The following CFAP91 variants were observed in gnomAD, a reference collection of about 807,000 sequenced individuals.
The protein encoded by CFAP91 is cilia and flagella associated protein 91.
In CFAP91, 85 loss-of-function variants were observed where a neutral mutation model predicts 95.9. That is an observed-to-expected ratio of 0.89 (90% CI 0.74 to 1.06). The LOEUF (loss-of-function observed/expected upper bound fraction) is 1.06, where lower values mean the gene tolerates loss of function less well. Among genes scored for constraint, CFAP91 ranks in the 50% least tolerant of loss-of-function variants. The probability of loss-of-function intolerance (pLI) is 0.00; values close to 1 mark genes in which losing one functional copy is unlikely to be tolerated. For synonymous variants in CFAP91, 335 were observed against 327.5 expected, an observed-to-expected ratio of 1.02 and a Z score of -0.25; for missense variants, 962 against 943.4, an observed-to-expected ratio of 1.02 and a Z score of -0.26.
chr3:119,713,083 T>TTTTATTTATTTA (rs199743132), intron 5 of CFAP91: 1 of 139,680 alleles, frequency 7.2e-6, no homozygotes, highest in African/African-American at 2.6e-5. Flanking sequence ...TTTATTTTAT[T>TTTTATTTATTTA]TTTATTTATT....
chr3:119,708,816 G>A (rs1044114113), intron 4 of CFAP91, 142 bp downstream of exon 4: 5 of 556,602 alleles, frequency 9.0e-6, no homozygotes, highest in African/African-American at 7.7e-5. Flanking sequence ...TGATCTAATC[G>A]TTAAAACAGG....
At chr3:119,730,727 A>G (rs577294477) in intron 8 of CFAP91, among the ~76,000 whole-genome samples, 1 of 150,554 alleles carries the variant, frequency 6.6e-6, no homozygotes, top group South Asian at 2.1e-4. Flanking sequence ...CCCTTTCTTC[A>G]TTTTGCCCTT....
intron 5 of CFAP91, 191 bp from the exon 6 acceptor site, chr3:119,715,371 G>A: frequency 1.4e-6 from 1 of 702,010 alleles, no homozygotes; most frequent in Non-Finnish European, 2.6e-6. Context: ...GCAGAGGTGA[G>A]AATAACAAGG....
intron 8 of CFAP91, among the ~76,000 whole-genome samples, chr3:119,731,953 A>G (rs2053906773): frequency 1.3e-5 from 2 of 152,176 alleles, no homozygotes; most frequent in Non-Finnish European, 1.5e-5. Context: ...CTGAACATGT[A>G]TTTTCCAGTT....
In CFAP91 at chr3:119,744,118, G is replaced by T; in HGVS notation, c.1824G>T (p.Arg608=). The T allele has an allele frequency of 4.3e-6, 7 of 1,614,094 alleles. No homozygotes were observed. Among genetic ancestry groups the T allele is most frequent in the Non-Finnish European group, 5.9e-6 (7 of 1,180,006 alleles). The part of the protein sequence containing the change: ...AFVMLAERQR[R]VREAEESGRR... The stretch of plus-strand genomic sequence containing the variant: ...TCATGCTGGCTGAGCGCCAGCGGCG[G>T]GTACGAGAGGCTGAAGAGAGTGGTC... The change falls in exon 14 of 18, where the codon CGG becomes CGT. Residue 608 remains arginine, a synonymous_variant. Transcript: ENST00000273390.
intron 17 of CFAP91, among the ~76,000 whole-genome samples, chr3:119,762,408 A>G (rs2054552735): frequency 6.6e-6 from 1 of 152,050 alleles, no homozygotes; most frequent in South Asian, 2.1e-4. Context: ...CATCCATGCT[A>G]CTTAAAGCAA....
At chr3:119,763,097 T>G (rs2054567670) in intron 17 of CFAP91, among the ~76,000 whole-genome samples, 1 of 151,972 alleles carries the variant, frequency 6.6e-6, no homozygotes, top group African/African-American at 2.4e-5. Flanking sequence ...TCAAAATATG[T>G]GAGGAACTCA....
In CFAP91 at chr3:119,707,472, G is replaced by A; in HGVS notation, c.270G>A (p.Trp90Ter). 1 of 1,597,412 alleles carries A rather than the reference G, an allele frequency of 6.3e-7. No individual in the cohort carries two copies. Among genetic ancestry groups the A allele is most frequent in the African/African-American group, 1.3e-5 (1 of 74,770 alleles). ...ATTATCCAAGATATTCTCTATATTGGAGCAAGTCAGATCCTGTCCCACCAT... is the reference window on the plus strand; with the variant it reads ...ATTATCCAAGATATTCTCTATATTGAAGCAAGTCAGATCCTGTCCCACCAT... The part of the protein sequence containing the change: ...LIHYPRYSLY[W>*]SKSDPVPPFI... Residue 90 changes from tryptophan (W) to a stop codon, truncating the protein, a stop_gained, in exon 3 of 18, where the codon TGG becomes TGA. Coordinates refer to ENST00000273390, the MANE Select transcript of CFAP91 (RefSeq NM_033364.4). LOFTEE classifies it high-confidence loss of function.
intron 11 of CFAP91, among the ~76,000 whole-genome samples, chr3:119,738,238 AGG>A (rs1373760657): frequency 1.3e-5 from 2 of 148,508 alleles, no homozygotes; most frequent in Admixed American, 1.4e-4. Context: ...GCTCCTGCAG[AGG>A]GACCAGAAAG....
Position 119,715,997 on chromosome 3 carries a change from GA to G in CFAP91, c.682+255del, listed in dbSNP as rs2053567476. On this transcript the variant is annotated intron_variant, in intron 6 of 17. Transcript: ENST00000273390. ...AGCTTAATATTGCAGTTGCTTTGCTGACTACTCACCTATGTCCTCTCATTTC... is the reference window on the plus strand; with the variant it reads ...AGCTTAATATTGCAGTTGCTTTGCTGCTACTCACCTATGTCCTCTCATTTC... 5.1e-6 allele frequency: 3 copies of G among 591,620 alleles called. No individual in the cohort carries two copies. The African/African-American group carries it at 5.6e-5, about 11-fold the overall frequency. 36.6% of individuals were successfully genotyped at this position (591,620 alleles called of 1,614,324 possible). A position where few individuals can be genotyped will look rare whatever the true frequency, so the allele number is the denominator to read the frequency against.
chr3:119,706,162 T>G (rs1457425479), intron 1 of CFAP91: 6 of 152,270 alleles, frequency 3.9e-5, no homozygotes, highest in Admixed American at 3.9e-4. Flanking sequence ...TGGTACAGTA[T>G]AGTCAATCAT....
intron 7 of CFAP91, among the ~76,000 whole-genome samples, chr3:119,729,366 G>A (rs2053849481): frequency 2.0e-5 from 3 of 152,088 alleles, no homozygotes; most frequent in African/African-American, 7.2e-5. Flanking sequence ...TCTAAGCTGG[G>A]CTGGACATGG....
rs768020568 is a variant in CFAP91, at chr3:119,709,857, T to G, written c.462T>G (p.Phe154Leu). The change falls in exon 5 of 18, where the codon TTT becomes TTG. Residue 154 changes from phenylalanine to leucine, a missense_variant. By Grantham distance (22) the Phe-to-Leu change is conservative. Coordinates refer to ENST00000273390, the MANE Select transcript of CFAP91 (RefSeq NM_033364.4). ...KYFERPFLPFFQQMPFNVVYA... is the reference protein window; with the variant it reads ...KYFERPFLPFLQQMPFNVVYA... ...CTCCCAGGCCTTTTCTCCCATTTTTTCAGCAGATGCCATTCAATGTTGTTT... is the reference window on the plus strand; with the variant it reads ...CTCCCAGGCCTTTTCTCCCATTTTTGCAGCAGATGCCATTCAATGTTGTTT... 1.4e-5 allele frequency: 23 copies of G among 1,613,172 alleles called. No individual in the cohort carries two copies. Among genetic ancestry groups the G allele is most frequent in the Non-Finnish European group, 2.0e-5 (23 of 1,179,132 alleles).
chr3:119,757,471 G>A (rs954918808), intron 17 of CFAP91, among the ~76,000 whole-genome samples: 3 of 151,882 alleles, frequency 2.0e-5, no homozygotes, highest in Non-Finnish European at 4.4e-5. Context: ...TGGTGAAGCC[G>A]TGTCTCTACC....
At chr3:119,742,230 G>T (rs2054134625) in intron 13 of CFAP91, among the ~76,000 whole-genome samples, 1 of 152,120 alleles carries the variant, frequency 6.6e-6, no homozygotes, top group Admixed American at 6.5e-5. Flanking sequence ...CTTAGCCAAG[G>T]ACTCACTCTG....
intron 17 of CFAP91, among the ~76,000 whole-genome samples, chr3:119,751,858 C>T (rs1392980800): frequency 6.6e-6 from 1 of 152,144 alleles, no homozygotes; most frequent in Non-Finnish European, 1.5e-5. Context: ...TTCCAGGGTC[C>T]CCACCATGGA....
Position 119,726,273 on chromosome 3 carries a change from AGT to A in CFAP91, c.786_787del (p.Gln262HisfsTer2), listed in dbSNP as rs1187779012. ...CTCCCCGCTCTGAGTGACACCTCCC[AGT>A]TTGAGAAGAGGAGGAAAATGATGAA... On this transcript the variant is annotated frameshift_variant, in exon 7 of 18. Coordinates refer to ENST00000273390, the MANE Select transcript of CFAP91 (RefSeq NM_033364.4). LOFTEE classifies it high-confidence loss of function. 1 of 1,613,984 alleles carries A rather than the reference AGT, an allele frequency of 6.2e-7. No homozygotes were observed. Among genetic ancestry groups the A allele is most frequent in the South Asian group, 1.1e-5 (1 of 91,040 alleles).
intron 6 of CFAP91, among the ~76,000 whole-genome samples, chr3:119,722,710 G>A (rs1159832578): frequency 6.6e-6 from 1 of 151,932 alleles, no homozygotes; most frequent in African/African-American, 2.4e-5. Context: ...GCCCAGGCTG[G>A]TCTCCAATTC....
chr3:119,735,235 T>G lies in CFAP91; in HGVS notation c.1344+1729T>G, dbSNP rs1031636346. ...GATTTTGTTGATTTTCTGTGTTATA[T>G]TTTTAATCACATTAATTTATACTCC... On this transcript the variant is annotated intron_variant, in intron 10 of 17. Transcript: ENST00000273390. Among the ~76,000 whole-genome samples the G allele has an allele frequency of 5.9e-5, 9 of 152,152 alleles. 1 individual carries two copies. The highest frequency in any genetic ancestry group is 5.9e-4 in the Admixed American group (9 of 15,280).
Sources: gnomAD v4.1 joint callset for allele counts (sites outside exome capture counted in the v4.1 genomes callset) on GRCh38, gnomAD v4.1.1 for gene constraint, MANE v1.5 for transcripts, NCBI Gene and HGNC (gene_info 2026-07-23, HGNC 2026-07-21) for gene names.